The following RNF212B variants were observed in gnomAD, a reference collection of about 807,000 sequenced individuals.
The protein encoded by RNF212B is ring finger protein 212B, also known as E3 ubiquitin-protein ligase RNF212B.
A neutral mutation model predicts 55.5 loss-of-function variants in RNF212B; 52 were observed. The observed-to-expected ratio is 0.94, with a 90% CI of 0.75 to 1.18. RNF212B has a LOEUF of 1.18. Ranked by LOEUF, RNF212B falls within the 50% of genes most tolerant of loss-of-function variation. RNF212B has a pLI of 0.00. For missense variants in RNF212B, 289 were observed against 350.4 expected (o/e 0.82, Z 1.40); for synonymous variants, 99 against 121.4 (o/e 0.82, Z 1.21).
At chr14:23,253,198 A>G (rs921798615) in intron 4 of RNF212B, among the ~76,000 whole-genome samples, 4 of 152,226 alleles carry the variant, frequency 2.6e-5, no homozygotes, top group African/African-American at 9.6e-5. Context: ...TCATGCTAAA[A>G]TAACAATTCC....
intron 1 of RNF212B, among the ~76,000 whole-genome samples, chr14:23,192,920 T>C (rs1878253219): frequency 6.6e-6 from 1 of 151,828 alleles, no homozygotes; most frequent in Non-Finnish European, 1.5e-5. Flanking sequence ...GGAGAAACCC[T>C]GTCTCTAGTA....
chr14:23,229,225 T>TATAC (rs1882322019), intron 2 of RNF212B, among the ~76,000 whole-genome samples: 1 of 41,930 alleles, frequency 2.4e-5, no homozygotes, highest in Non-Finnish European at 5.1e-5. Context: ...ATATTTTATA[T>TATAC]ATATATATAT....
At chr14:23,191,734 T>C (rs1878139642) in intron 1 of RNF212B, among the ~76,000 whole-genome samples, 1 of 152,212 alleles carries the variant, frequency 6.6e-6, no homozygotes, top group Non-Finnish European at 1.5e-5. Context: ...TCTTCTTTTG[T>C]ATATGTTTAA....
intron 2 of RNF212B, among the ~76,000 whole-genome samples, chr14:23,206,553 C>T (rs1879854589): frequency 6.6e-6 from 1 of 152,164 alleles, no homozygotes; most frequent in South Asian, 2.1e-4. Flanking sequence ...GACCCTCACC[C>T]CCTTTTCTTT....
intron 12 of RNF212B, among the ~76,000 whole-genome samples, chr14:23,269,250 C>T (rs1466533637): frequency 6.6e-6 from 1 of 152,154 alleles, no homozygotes; most frequent in Non-Finnish European, 1.5e-5. Context: ...TTGCAGTGAG[C>T]TGACATGGTG....
upstream of RNF212B, among the ~76,000 whole-genome samples, chr14:23,234,268 T>C (rs1265728018): frequency 6.6e-6 from 1 of 152,166 alleles, no homozygotes; most frequent in Non-Finnish European, 1.5e-5. Flanking sequence ...TGATTTTTTT[T>C]GTAATTTGTC....
chr14:23,196,963 C>T (rs1211241389), intron 2 of RNF212B, among the ~76,000 whole-genome samples: 1 of 152,170 alleles, frequency 6.6e-6, no homozygotes, highest in East Asian at 1.9e-4. Context: ...ACCTCCCCAT[C>T]TAGACTGCAA....
At chr14:23,199,309 T>G (rs1415055997) in intron 2 of RNF212B, among the ~76,000 whole-genome samples, 3 of 151,972 alleles carry the variant, frequency 2.0e-5, no homozygotes, top group Non-Finnish European at 2.9e-5. Context: ...GGGAGGAGGC[T>G]TCCAGGTCAC....
chr14:23,261,015 G>A (rs897758079), intron 7 of RNF212B, among the ~76,000 whole-genome samples: 1 of 152,174 alleles, frequency 6.6e-6, no homozygotes, highest in Non-Finnish European at 1.5e-5. Flanking sequence ...TTTGCCACGA[G>A]AGTACACTGA....
chr14:23,239,209 C>T (rs1205217065), intron 1 of RNF212B, among the ~76,000 whole-genome samples: 2 of 152,100 alleles, frequency 1.3e-5, no homozygotes, highest in Admixed American at 1.3e-4. Flanking sequence ...AGGCGTGCAC[C>T]ACCACACCCA....
chr14:23,195,865 G>A (rs1878609701), intron 2 of RNF212B, among the ~76,000 whole-genome samples: 1 of 152,150 alleles, frequency 6.6e-6, no homozygotes. Context: ...TTACAAAGGA[G>A]GAAACGGGTT....
chr14:23,233,649 G>A (rs1363961069), upstream of RNF212B, among the ~76,000 whole-genome samples: 5 of 150,448 alleles, frequency 3.3e-5, no homozygotes, highest in African/African-American at 9.8e-5. Flanking sequence ...GGCTGAGTTA[G>A]GGGAATCATT....
At chr14:23,245,117 C>A (rs990907057) in intron 4 of RNF212B, among the ~76,000 whole-genome samples, 2 of 152,136 alleles carry the variant, frequency 1.3e-5, no homozygotes, top group Non-Finnish European at 2.9e-5. Flanking sequence ...AGGTTTTTAT[C>A]ACTGTTCCCT....
chr14:23,257,209 G>A lies in RNF212B; in HGVS notation c.229-1340G>A, dbSNP rs769454396. On this transcript the variant is annotated intron_variant, in intron 4 of 14. Coordinates refer to ENST00000430154, the MANE Select transcript of RNF212B (RefSeq NM_001282322.3). Reference sequence around the variant, plus strand: ...CAAAATTATTTTTCATAGAGACAGGGTCTTGCTATGTTGCTTAGGCTGGTC... The same window carrying A: ...CAAAATTATTTTTCATAGAGACAGGATCTTGCTATGTTGCTTAGGCTGGTC... Among the ~76,000 whole-genome samples the A allele has an allele frequency of 4.3e-4, 66 of 152,150 alleles. No individual in the cohort carries two copies. In the Middle Eastern group the frequency reaches 0.014, roughly 31 times the overall value.
At chr14:23,208,953 T>C (rs534456725) in intron 2 of RNF212B, among the ~76,000 whole-genome samples, 1 of 151,066 alleles carries the variant, frequency 6.6e-6, no homozygotes, top group South Asian at 2.1e-4. Flanking sequence ...AGAGACGGGG[T>C]TTCATCGTGT....
At chr14:23,239,903 G>A (rs528852181) in intron 1 of RNF212B, among the ~76,000 whole-genome samples, 4 of 152,124 alleles carry the variant, frequency 2.6e-5, no homozygotes, top group East Asian at 1.9e-4. Flanking sequence ...ACAGGCGTGA[G>A]CCACTGTGCT....
chr14:23,235,612 C>T (rs1883040966), upstream of RNF212B, among the ~76,000 whole-genome samples: 1 of 152,194 alleles, frequency 6.6e-6, no homozygotes. Context: ...AAACTTGTAC[C>T]TGCAACTGAC....
chr14:23,232,311 G>A (rs902480010), intron 2 of RNF212B, among the ~76,000 whole-genome samples: 4 of 151,260 alleles, frequency 2.6e-5, no homozygotes, highest in African/African-American at 9.7e-5. Context: ...TCTGGGAGGT[G>A]AGGAGCGTCT....
At chr14:23,199,600 T>C (rs1467430980) in intron 2 of RNF212B, among the ~76,000 whole-genome samples, 1 of 152,200 alleles carries the variant, frequency 6.6e-6, no homozygotes, top group African/African-American at 2.4e-5. Context: ...AGGTTTCATT[T>C]GATCTCTCAT....
Sources: allele counts gnomAD v4.1 joint callset (sites outside exome capture counted in the v4.1 genomes callset), GRCh38; gene constraint gnomAD v4.1.1; transcripts MANE v1.5; gene names NCBI Gene and HGNC (gene_info 2026-07-23, HGNC 2026-07-21).